MIDEAS: variants seen among roughly 807,000 people sequenced by gnomAD.
The protein encoded by MIDEAS is mitotic deacetylase-associated SANT domain protein.
Under a neutral mutation model 102.7 loss-of-function variants are expected in MIDEAS, and 26 were observed. The ratio of observed to expected loss-of-function variants is 0.25; its 90% CI spans 0.19 to 0.35. The LOEUF is 0.35. MIDEAS is among the 10% of genes least tolerant of loss of function. MIDEAS has a pLI of 1.00. For missense variants in MIDEAS, 1,231 were observed against 1,435.6 expected (o/e 0.86, Z 2.30); for synonymous variants, 585 against 591.0 (o/e 0.99, Z 0.15).
chr14:73,721,568 A>G, intron 10 of MIDEAS, 59 bp from the exon 11 acceptor site: 1 of 1,533,402 alleles, frequency 6.5e-7, no homozygotes, highest in Non-Finnish European at 9.0e-7. Flanking sequence ...GCTGTAGCAC[A>G]GATTCTGACC....
chr14:73,736,081 C>G (rs2053196715), intron 3 of MIDEAS, among the ~76,000 whole-genome samples: 2 of 151,972 alleles, frequency 1.3e-5, no homozygotes, highest in Admixed American at 6.6e-5. Context: ...CTCTTGAACC[C>G]AGGAGGTTGC....
intron 1 of MIDEAS, among the ~76,000 whole-genome samples, chr14:73,747,461 C>T (rs1410689827): frequency 3.9e-5 from 6 of 152,184 alleles, no homozygotes; most frequent in Admixed American, 2.0e-4. Flanking sequence ...TGCATAACCA[C>T]TTATTTCCAA....
In MIDEAS at chr14:73,721,465, G is replaced by C; in HGVS notation, c.2769C>G (p.Ser923=). 6.2e-7 allele frequency: 1 copy of C among 1,614,046 alleles called. No homozygotes were observed. Among genetic ancestry groups the C allele is most frequent in the Non-Finnish European group, 8.5e-7 (1 of 1,180,012 alleles). ...FPRVPLPRRE[S]PSEERLEPKR... The stretch of plus-strand genomic sequence containing the variant: ...TGGGCTCCAGCCTCTCTTCACTTGG[G>C]GACTCTCTTCTGGGAAGAGGCACCC... Residue 923 remains serine, a synonymous_variant, in exon 11 of 13, where the codon TCC becomes TCG. Coordinates refer to ENST00000423556, the MANE Select transcript of MIDEAS (RefSeq NM_001367710.1).
chr14:73,719,422 C>G lies in MIDEAS; in HGVS notation c.3017G>C (p.Arg1006Thr). Residue 1006 changes from arginine (R) to threonine (T), a missense_variant, in exon 12 of 13, where the codon AGG becomes ACG. Around this residue, in one of 5 missense-constraint regions of MIDEAS, gnomAD observed 391 missense variants for 483.0 expected, o/e 0.81. Transcript: ENST00000423556. Reference protein sequence around the residue: ...SAGGQASEKPREGTGKSRRAL... With the variant: ...SAGGQASEKPTEGTGKSRRAL... ...CCTTCGTGACTTCCCTGTCCCTTCCCTTGGCTTCTCCGAGGCCTGGCCACC... is the reference window on the plus strand; with the variant it reads ...CCTTCGTGACTTCCCTGTCCCTTCCGTTGGCTTCTCCGAGGCCTGGCCACC... The G allele has an allele frequency of 6.2e-7, 1 of 1,614,118 alleles. No homozygotes were observed. The highest frequency in any genetic ancestry group is 8.5e-7 in the Non-Finnish European group (1 of 1,180,014).
At chr14:73,745,785 G>C (rs183957480) in intron 1 of MIDEAS, among the ~76,000 whole-genome samples, 3 of 152,190 alleles carry the variant, frequency 2.0e-5, no homozygotes, top group Non-Finnish European at 4.4e-5. Flanking sequence ...ATTCTCAAGG[G>C]GTTTGCAAAC....
intron 1 of MIDEAS, among the ~76,000 whole-genome samples, chr14:73,780,998 G>A (rs2053751627): frequency 6.6e-6 from 1 of 151,780 alleles, no homozygotes; most frequent in Non-Finnish European, 1.5e-5. Context: ...TACTGCCTTA[G>A]GGAAACTGAG....
At position 73,739,931 on chromosome 14, in the gene MIDEAS, C is replaced by T; in HGVS notation, c.78G>A (p.Lys26=). 6.6e-7 allele frequency: 1 copy of T among 1,523,352 alleles called. No individual in the cohort carries two copies. The highest frequency in any genetic ancestry group is 8.8e-7 in the Non-Finnish European group (1 of 1,136,004). The allele number at this position is 1,523,352 out of a possible 1,614,324, so 94.4% of individuals were successfully genotyped here. A position where few individuals can be genotyped will look rare whatever the true frequency, so the allele number is the denominator to read the frequency against. ...GGGGCTGCAGGGGAGGGGGCTGCTC[C>T]TTGGGAGCTGGTTCCTGGCCCCCGA... is the stretch of plus-strand genomic sequence containing the variant. The part of the protein sequence containing the change: ...CLFGGQEPAP[K]EQPPPLQPPQ... The change falls in exon 2 of 13, where the codon AAG becomes AAA. Residue 26 remains lysine, a synonymous_variant. Transcript: ENST00000423556.
intron 3 of MIDEAS, among the ~76,000 whole-genome samples, chr14:73,736,029 T>C (rs2140117385): frequency 6.6e-6 from 1 of 152,196 alleles, no homozygotes; most frequent in East Asian, 1.9e-4. Flanking sequence ...TCGTGATGCA[T>C]GCCTGTAATC....
chr14:73,736,902 A>G (rs1422409116), intron 3 of MIDEAS, 96 bp downstream of exon 3: 2 of 1,265,254 alleles, frequency 1.6e-6, no homozygotes, highest in Non-Finnish European at 2.2e-6. Flanking sequence ...GTTCCCTGAT[A>G]CCTTCCTACA....
chr14:73,724,545 C>G (rs913238968), intron 9 of MIDEAS: 1 of 152,314 alleles, frequency 6.6e-6, no homozygotes, highest in African/African-American at 2.4e-5. Context: ...CAGCAAAGGA[C>G]TCCTCACAAC....
chr14:73,787,010 C>G (rs970710463), intron 1 of MIDEAS: 1 of 151,240 alleles, frequency 6.6e-6, no homozygotes, highest in Non-Finnish European at 1.5e-5. Context: ...CCGCCACATC[C>G]GCGCCCGCGC....
chr14:73,767,952 A>C (rs1387971097), intron 1 of MIDEAS, among the ~76,000 whole-genome samples: 1 of 152,136 alleles, frequency 6.6e-6, no homozygotes, highest in African/African-American at 2.4e-5. Context: ...TGAGCTCAGG[A>C]CTTCAAGACC....
chr14:73,726,112 G>A lies in MIDEAS; in HGVS notation c.2410-4C>T. 1 of 1,583,644 alleles carries A rather than the reference G, an allele frequency of 6.3e-7. No individual in the cohort carries two copies. The highest frequency in any genetic ancestry group is 8.6e-7 in the Non-Finnish European group (1 of 1,165,014). The stretch of plus-strand genomic sequence containing the variant: ...GCAGCAGCTTATTCAGCGTTTCCTG[G>A]AGGGGAAGTGAGGGAAGGGTCAGGG... On this transcript the variant is annotated splice_polypyrimidine_tract_variant and splice_region_variant and intron_variant, in intron 7 of 12. Transcript: ENST00000423556.
chr14:73,718,896 C>A lies in MIDEAS; in HGVS notation c.3247G>T (p.Ala1083Ser). The A allele has an allele frequency of 1.3e-6, 2 of 1,519,138 alleles. No homozygotes were observed. Among genetic ancestry groups the A allele is most frequent in the Non-Finnish European group, 1.8e-6 (2 of 1,139,922 alleles). 94.1% of individuals were successfully genotyped at this position (1,519,138 alleles called of 1,614,324 possible). A position where few individuals can be genotyped will look rare whatever the true frequency, so the allele number is the denominator to read the frequency against. Residue 1083 changes from alanine (A) to serine (S), a missense_variant, in exon 13 of 13, where the codon GCC becomes TCC. Around this residue, in one of 5 missense-constraint regions of MIDEAS, gnomAD observed 71 missense variants for 51.9 expected, o/e 1.37. Transcript: ENST00000423556. The part of the protein sequence containing the change: ...KEKEAAAAAA[A>S]AHQQALREES... Reference sequence around the variant, plus strand: ...TCCCGCAGGGCCTGCTGGTGGGCGGCGGCGGCGGCAGCAGCGGCCTCTTTC... The same window carrying A: ...TCCCGCAGGGCCTGCTGGTGGGCGGAGGCGGCGGCAGCAGCGGCCTCTTTC...
rs148385020 is a variant in MIDEAS, at chr14:73,734,769, C to T, written c.1749+2229G>A. Among the ~76,000 whole-genome samples the T allele has an allele frequency of 6.8e-3, 1,031 of 152,266 alleles. 5 individuals are homozygous for T. The highest frequency in any genetic ancestry group is 0.012 in the Non-Finnish European group (799 of 68,026). On this transcript the variant is annotated intron_variant, in intron 3 of 12. Transcript: ENST00000423556. ...TTAAATGGTACTAGCTATGTCCCATCCTTCAGATAATGGAGGAAATAGTTG... is the reference window on the plus strand; with the variant it reads ...TTAAATGGTACTAGCTATGTCCCATTCTTCAGATAATGGAGGAAATAGTTG...
At chr14:73,736,632 G>A (rs1462195928) in intron 3 of MIDEAS, among the ~76,000 whole-genome samples, 38 of 147,174 alleles carry the variant, frequency 2.6e-4, no homozygotes, top group Non-Finnish European at 2.1e-4. Flanking sequence ...CTCTGCCTCA[G>A]AAAAAAAAAA....
At chr14:73,720,321 C>T (rs540148872) in intron 11 of MIDEAS, among the ~76,000 whole-genome samples, 2 of 150,868 alleles carry the variant, frequency 1.3e-5, no homozygotes, top group Non-Finnish European at 2.9e-5. Context: ...TCACTGCAAC[C>T]TCCGCCTCCT....
intron 1 of MIDEAS, among the ~76,000 whole-genome samples, chr14:73,785,290 T>C (rs1218488936): frequency 6.6e-6 from 1 of 152,226 alleles, no homozygotes; most frequent in Non-Finnish European, 1.5e-5. Flanking sequence ...AACAAGACAC[T>C]GTTTGCCTTC....
At chr14:73,786,972 G>GGCACCCCA (rs1248666737) in intron 1 of MIDEAS, 5 of 151,734 alleles carry the variant, frequency 3.3e-5, no homozygotes, top group Non-Finnish European at 7.4e-5. Flanking sequence ...GCAGCACCCC[G>GGCACCCCA]GCACCCCAGC....
Sources: gnomAD v4.1 joint callset for allele counts (sites outside exome capture counted in the v4.1 genomes callset) on GRCh38, gnomAD v4.1.1 for gene constraint, gnomAD v4.1.1 regional missense constraint, MANE v1.5 for transcripts, NCBI Gene and HGNC (gene_info 2026-07-23, HGNC 2026-07-21) for gene names.